SCN9A: variants seen among roughly 807,000 people sequenced by gnomAD.
SCN9A encodes the protein sodium channel protein type 9 subunit alpha.
Under a neutral mutation model 187.0 loss-of-function variants are expected in SCN9A, and 131 were observed. The ratio of observed to expected loss-of-function variants is 0.70; its 90% CI spans 0.61 to 0.81. The LOEUF (loss-of-function observed/expected upper bound fraction) is 0.81. Among genes scored for constraint, SCN9A ranks in the 30% least tolerant of loss-of-function variants. SCN9A has a pLI of 0.00. For synonymous variants in SCN9A, 809 were observed against 808.6 expected (o/e 1.00, Z -0.01); for missense variants, 2,252 against 2,396.6 (o/e 0.94, Z 1.26).
At chr2:166,208,651 G>A (rs1032009703) in intron 24 of SCN9A, among the ~76,000 whole-genome samples, 2 of 152,050 alleles carry the variant, frequency 1.3e-5, no homozygotes, top group African/African-American at 2.4e-5. Flanking sequence ...AATCATTAGA[G>A]GTGAAAAAAG....
At chr2:166,350,944 T>G (rs1339951553) in intron 1 of SCN9A, among the ~76,000 whole-genome samples, 1 of 152,110 alleles carries the variant, frequency 6.6e-6, no homozygotes, top group African/African-American at 2.4e-5. Flanking sequence ...TGACGGTGAC[T>G]TTTTTTATAA....
intron 19 of SCN9A, among the ~76,000 whole-genome samples, chr2:166,241,778 C>T (rs1695576125): frequency 6.6e-6 from 1 of 152,142 alleles, no homozygotes. Flanking sequence ...CTTCTCTTCT[C>T]CATTGCTCTG....
intron 1 of SCN9A, among the ~76,000 whole-genome samples, chr2:166,348,115 A>T (rs1002736138): frequency 6.6e-6 from 1 of 152,170 alleles, no homozygotes; most frequent in Non-Finnish European, 1.5e-5. Context: ...AGGCAAGAGG[A>T]TGCCAGGTAG....
intron 1 of SCN9A, among the ~76,000 whole-genome samples, chr2:166,340,590 CTTTCTTTCTTTCTT>C (rs1353163570): frequency 6.8e-4 from 66 of 97,734 alleles, no homozygotes; most frequent in African/African-American, 1.9e-3. Flanking sequence ...TTCTTTCTTT[CTTTCTTTCTTTCTT>C]TTTCTTTCTT....
intron 1 of SCN9A, among the ~76,000 whole-genome samples, chr2:166,375,219 G>A (rs1188226275): frequency 6.6e-6 from 1 of 152,126 alleles, no homozygotes; most frequent in Non-Finnish European, 1.5e-5. Context: ...TAAGGGGTGC[G>A]GGGTTCTTTT....
At chr2:166,324,282 G>A (rs1260321501) in intron 1 of SCN9A, among the ~76,000 whole-genome samples, 1 of 151,538 alleles carries the variant, frequency 6.6e-6, no homozygotes, top group African/African-American at 2.4e-5. Flanking sequence ...CAGAGAGCGG[G>A]ACTCCATCTC....
intron 17 of SCN9A, among the ~76,000 whole-genome samples, chr2:166,263,206 C>T (rs372596952): frequency 2.0e-5 from 3 of 152,052 alleles, no homozygotes; most frequent in African/African-American, 7.2e-5. Context: ...TAGGATCAGC[C>T]GAAATCTCTG....
intron 1 of SCN9A, among the ~76,000 whole-genome samples, chr2:166,329,588 T>A (rs1327573848): frequency 6.6e-6 from 1 of 151,028 alleles, no homozygotes; most frequent in African/African-American, 2.5e-5. Context: ...GTTGTTGTTG[T>A]TTGGAGGTAA....
chr2:166,341,695 G>A (rs1699788903), intron 1 of SCN9A, among the ~76,000 whole-genome samples: 1 of 152,168 alleles, frequency 6.6e-6, no homozygotes, highest in Non-Finnish European at 1.5e-5. Context: ...TACAAAGTCT[G>A]GGAGATTTCC....
intron 26 of SCN9A, among the ~76,000 whole-genome samples, chr2:166,200,152 C>T (rs1035197429): frequency 8.1e-5 from 12 of 148,500 alleles, no homozygotes; most frequent in East Asian, 2.0e-4. Context: ...CGCCCGCTAC[C>T]ACGCCCGGCT....
Position 166,300,327 on chromosome 2 carries a change from G to A in SCN9A, c.901+2763C>T, listed in dbSNP as rs533438423. 4.7e-5 allele frequency among the ~76,000 whole-genome samples: 7 copies of A among 150,522 alleles called. No individual in the cohort carries two copies. In the East Asian group the frequency reaches 1.4e-3, roughly 29 times the overall value. On this transcript the variant is annotated intron_variant, in intron 7 of 26. Transcript: ENST00000642356. Reference sequence around the variant, plus strand: ...CCCTTTATTCAGGACCTTTGCCCATGCTATTTCTCCTAATTGAAGCAGCAC... The same window carrying A: ...CCCTTTATTCAGGACCTTTGCCCATACTATTTCTCCTAATTGAAGCAGCAC...
At chr2:166,269,519 G>A (rs943980508) in intron 17 of SCN9A, among the ~76,000 whole-genome samples, 1 of 151,952 alleles carries the variant, frequency 6.6e-6, no homozygotes, top group Non-Finnish European at 1.5e-5. Context: ...CTCTTGACAT[G>A]GCTCTGCCTT....
In SCN9A at chr2:166,272,873, G is replaced by A. The variant is rs767213115; in HGVS notation, c.2877C>T (p.Val959=). The change falls in exon 17 of 27, where the codon GTC becomes GTT. Residue 959 remains valine (V), a splice_region_variant and synonymous_variant. Transcript: ENST00000642356. ...MMVMVIGNLV[V]LNLFLALLLS... is the part of the protein sequence containing the mutation. Reference sequence around the variant, plus strand: ...ATAATAAGGCCAGAAATAGGTTTAGGACCTATATCAGGGTGGGGAGAGGGG... The same window carrying A: ...ATAATAAGGCCAGAAATAGGTTTAGAACCTATATCAGGGTGGGGAGAGGGG... 1 of 1,429,642 alleles carries A rather than the reference G, an allele frequency of 7.0e-7. No homozygotes were observed. Among genetic ancestry groups the A allele is most frequent in the Non-Finnish European group, 9.3e-7 (1 of 1,078,166 alleles). The allele number at this position is 1,429,642 out of a possible 1,614,324, so 88.6% of individuals were successfully genotyped here. A position where few individuals can be genotyped will look rare whatever the true frequency, so the allele number is the denominator to read the frequency against.
At chr2:166,321,183 C>T (rs1699228014) in intron 1 of SCN9A, among the ~76,000 whole-genome samples, 1 of 152,102 alleles carries the variant, frequency 6.6e-6, no homozygotes, top group South Asian at 2.1e-4. Flanking sequence ...AAATACACAA[C>T]TTTAAAGTTA....
intron 24 of SCN9A, among the ~76,000 whole-genome samples, chr2:166,206,834 A>G (rs1185852539): frequency 6.6e-6 from 1 of 152,198 alleles, no homozygotes; most frequent in South Asian, 2.1e-4. Flanking sequence ...AATTCTAAAT[A>G]AAGGATTTCA....
chr2:166,226,830 C>T lies in SCN9A; in HGVS notation c.4261-126G>A, dbSNP rs764459290. On this transcript the variant is annotated intron_variant, in intron 23 of 26. Coordinates refer to ENST00000642356, the MANE Select transcript of SCN9A (RefSeq NM_001365536.1). ...AAACATAGGATTTAAGAAGCCATAG[C>T]ATTGTTGAGGTTTAACATAATCACT... 69 of 564,974 alleles carry T rather than the reference C, an allele frequency of 1.2e-4. 1 individual carries two copies. Among genetic ancestry groups the T allele is most frequent in the Non-Finnish European group, 1.9e-4 (66 of 349,120 alleles). 35.0% of individuals were successfully genotyped at this position (564,974 alleles called of 1,614,324 possible). A position where few individuals can be genotyped will look rare whatever the true frequency, so the allele number is the denominator to read the frequency against.
chr2:166,284,536 C>A lies in SCN9A; in HGVS notation c.1891G>T (p.Val631Phe), dbSNP rs767605658. ...AVDCNGVVSL[V>F]DGRSALMLPN... ...AGCATGAGGGCTGAGCGTCCATCAA[C>A]CAGGGAGACCACACCGTTGCAGTCC... Residue 631 changes from valine to phenylalanine, a missense_variant, in exon 12 of 27, where the codon GTT (valine) becomes TTT (phenylalanine). Val to Phe is a conservative substitution (Grantham distance 50). Transcript: ENST00000642356. 3.7e-6 allele frequency: 6 copies of A among 1,614,124 alleles called. No individual in the cohort carries two copies. In the Admixed American group the frequency reaches 1.0e-4, roughly 27 times the overall value.
intron 1 of SCN9A, among the ~76,000 whole-genome samples, chr2:166,343,665 G>A (rs1018549383): frequency 6.6e-6 from 1 of 152,078 alleles, no homozygotes; most frequent in Non-Finnish European, 1.5e-5. Flanking sequence ...TTGGGAGGCC[G>A]AGGGGAGTGG....
intron 17 of SCN9A, among the ~76,000 whole-genome samples, chr2:166,267,315 A>G (rs1696783695): frequency 6.6e-6 from 1 of 151,904 alleles, no homozygotes; most frequent in Non-Finnish European, 1.5e-5. Context: ...AGATGATTAT[A>G]TGGTTTTTAT....
Sources: allele counts gnomAD v4.1 joint callset (sites outside exome capture counted in the v4.1 genomes callset), GRCh38; gene constraint gnomAD v4.1.1; transcripts MANE v1.5; gene names NCBI Gene and HGNC (gene_info 2026-07-23, HGNC 2026-07-21).